CACNA2D3: variants seen among roughly 807,000 people sequenced by gnomAD.
The protein encoded by CACNA2D3 is voltage-dependent calcium channel subunit alpha-2/delta-3.
Under a neutral mutation model 160.6 loss-of-function variants are expected in CACNA2D3, and 60 were observed. That is an observed-to-expected ratio of 0.37 (90% CI 0.30 to 0.46). The LOEUF (loss-of-function observed/expected upper bound fraction) is 0.46, where lower values mean the gene tolerates loss of function less well. Ranked by LOEUF, CACNA2D3 falls within the 20% of genes least tolerant of loss-of-function variation. CACNA2D3 has a pLI of 1.00. For synonymous variants in CACNA2D3, 558 were observed against 492.9 expected, an observed-to-expected ratio of 1.13 and a Z score of -1.75; for missense variants, 1,205 against 1,365.0, an observed-to-expected ratio of 0.88 and a Z score of 1.85.
At chr3:54,624,331 ATGC>A (rs1699049060) in intron 9 of CACNA2D3, among the ~76,000 whole-genome samples, 1 of 152,236 alleles carries the variant, frequency 6.6e-6, no homozygotes, top group African/African-American at 2.4e-5. Context: ...GTTTAAAAAA[ATGC>A]TCTGTAGGCT....
chr3:54,701,326 A>G (rs1052117953), intron 11 of CACNA2D3, among the ~76,000 whole-genome samples: 12 of 152,208 alleles, frequency 7.9e-5, no homozygotes, highest in Non-Finnish European at 1.2e-4. Flanking sequence ...TGAAAGTAAA[A>G]TCAACCCTAC....
intron 9 of CACNA2D3, among the ~76,000 whole-genome samples, chr3:54,599,430 T>G (rs760847182): frequency 2.6e-5 from 4 of 152,232 alleles, no homozygotes; most frequent in Non-Finnish European, 4.4e-5. Flanking sequence ...TTCTGTTAGA[T>G]GTTGCTATGG....
At chr3:54,506,474 T>C (rs952500762) in intron 5 of CACNA2D3, among the ~76,000 whole-genome samples, 1 of 152,212 alleles carries the variant, frequency 6.6e-6, no homozygotes, top group Non-Finnish European at 1.5e-5. Flanking sequence ...TGGTAAACTC[T>C]ACCTGCTTTC....
At chr3:54,808,711 G>A (rs902827043) in intron 13 of CACNA2D3, among the ~76,000 whole-genome samples, 10 of 152,132 alleles carry the variant, frequency 6.6e-5, no homozygotes, top group African/African-American at 2.4e-4. Context: ...TAAAATTGTA[G>A]TAATAACACT....
chr3:54,267,415 A>G (rs1213647575), intron 2 of CACNA2D3, among the ~76,000 whole-genome samples: 1 of 152,188 alleles, frequency 6.6e-6, no homozygotes. Context: ...TTAGAGAGTT[A>G]ATAAGTTTTC....
At chr3:54,146,594 A>AG (rs147504052) in intron 2 of CACNA2D3, among the ~76,000 whole-genome samples, 7,967 of 151,944 alleles carry the variant, frequency 0.052, 242 homozygotes, top group South Asian at 0.088. Flanking sequence ...AATGTGGGGA[A>AG]GGGGGGCGTG....
chr3:54,564,438 C>T (rs965152734), intron 6 of CACNA2D3, among the ~76,000 whole-genome samples: 7 of 152,142 alleles, frequency 4.6e-5, no homozygotes, highest in Non-Finnish European at 7.4e-5. Context: ...TTAGTAAAGA[C>T]GTGGGCCGCA....
chr3:55,046,265 C>G (rs1704080735), intron 35 of CACNA2D3, among the ~76,000 whole-genome samples: 1 of 136,932 alleles, frequency 7.3e-6, no homozygotes, highest in Non-Finnish European at 1.6e-5. Context: ...CCCCACCCCA[C>G]CACAGTCCCC....
At chr3:54,583,088 A>G (rs1323472261) in intron 9 of CACNA2D3, among the ~76,000 whole-genome samples, 1 of 152,200 alleles carries the variant, frequency 6.6e-6, no homozygotes, top group African/African-American at 2.4e-5. Context: ...GCATTTTTCT[A>G]GAGACTTTCC....
chr3:54,656,806 C>G (rs537308831), intron 11 of CACNA2D3, among the ~76,000 whole-genome samples: 162 of 152,354 alleles, frequency 1.1e-3, no homozygotes, highest in African/African-American at 2.3e-3. Context: ...AACCCTTCCC[C>G]CTTCCCCAGT....
At chr3:54,362,512 G>T (rs551982008) in intron 3 of CACNA2D3, among the ~76,000 whole-genome samples, 1 of 152,166 alleles carries the variant, frequency 6.6e-6, no homozygotes. Flanking sequence ...CCACACTCCC[G>T]GGAGGGGAGT....
intron 11 of CACNA2D3, among the ~76,000 whole-genome samples, chr3:54,725,442 C>G (rs1337034816): frequency 6.6e-6 from 1 of 152,188 alleles, no homozygotes; most frequent in Non-Finnish European, 1.5e-5. Context: ...ATACCAAAAC[C>G]TAGCAGAGAC....
intron 11 of CACNA2D3, among the ~76,000 whole-genome samples, chr3:54,728,294 G>A (rs746224872): frequency 2.3e-4 from 35 of 151,808 alleles, no homozygotes; most frequent in Non-Finnish European, 4.7e-4. Context: ...TATACAGTTC[G>A]ACCTGGATAT....
rs191966975 is a variant in CACNA2D3, at chr3:54,151,157, G to C, written c.204+27563G>C. Among the ~76,000 whole-genome samples the C allele has an allele frequency of 1.4e-3, 216 of 152,168 alleles. 2 individuals carry two copies. Among genetic ancestry groups the C allele is most frequent in the African/African-American group, 4.9e-3 (205 of 41,516 alleles). ...TGGACAGATAGATGAATGAATAGAT[G>C]TAGGGATGGGTTAATGGGTGGATGG... On this transcript the variant is annotated intron_variant, in intron 2 of 37. Coordinates refer to ENST00000474759, the MANE Select transcript of CACNA2D3 (RefSeq NM_018398.3).
At chr3:54,363,257 T>C (rs570548365) in intron 3 of CACNA2D3, among the ~76,000 whole-genome samples, 1 of 152,182 alleles carries the variant, frequency 6.6e-6, no homozygotes, top group East Asian at 2.0e-4. Context: ...AGTATTATAC[T>C]ACAGAGTATT....
At chr3:54,255,295 A>G (rs6798711) in intron 2 of CACNA2D3, among the ~76,000 whole-genome samples, 64,700 of 152,054 alleles carry the variant, frequency 0.43, 13,928 homozygotes, top group African/African-American at 0.47. Context: ...TCACTCAGGC[A>G]TCTTATAGAG....
rs144338606 is a variant in CACNA2D3, at chr3:55,044,387, A to G, written c.2987+26070A>G. 4.1e-3 allele frequency among the ~76,000 whole-genome samples: 617 copies of G among 152,274 alleles called. 5 individuals carry two copies. Among genetic ancestry groups the G allele is most frequent in the Middle Eastern group, 6.8e-3 (2 of 294 alleles). On this transcript the variant is annotated intron_variant, in intron 35 of 37. Transcript: ENST00000474759. ...TTATAAATTATACTTTTTCATTTCA[A>G]TTACGAACTGTTCATTGCTAGGATT...
intron 17 of CACNA2D3, among the ~76,000 whole-genome samples, chr3:54,855,960 C>T (rs961686341): frequency 6.6e-6 from 1 of 152,206 alleles, no homozygotes; most frequent in African/African-American, 2.4e-5. Flanking sequence ...GCCTCCCCTT[C>T]CCCCACAGAG....
At chr3:54,910,994 C>T (rs1165718529) in intron 27 of CACNA2D3, among the ~76,000 whole-genome samples, 1 of 152,282 alleles carries the variant, frequency 6.6e-6, no homozygotes, top group East Asian at 1.9e-4. Context: ...TGTGCCCAAT[C>T]CCAGTAGCCA....
Sources: gnomAD v4.1 joint callset for allele counts (sites outside exome capture counted in the v4.1 genomes callset) on GRCh38, gnomAD v4.1.1 for gene constraint, MANE v1.5 for transcripts, NCBI Gene and HGNC (gene_info 2026-07-23, HGNC 2026-07-21) for gene names.